Variants in TSPAN13 observed in about 807,000 individuals in gnomAD.
The protein encoded by TSPAN13 is tetraspanin 13, also known as tetraspanin-13.
In TSPAN13, 18 loss-of-function variants were observed where a neutral mutation model predicts 26.9. The observed-to-expected ratio is 0.67, with a 90% CI of 0.46 to 0.99. TSPAN13 has a LOEUF of 0.99. Among genes scored for constraint, TSPAN13 ranks in the 50% least tolerant of loss-of-function variants. The probability of loss-of-function intolerance (pLI) is 0.00; values close to 1 mark genes in which losing one functional copy is unlikely to be tolerated. For synonymous variants in TSPAN13, 116 were observed against 98.4 expected, an observed-to-expected ratio of 1.18 and a Z score of -1.06; for missense variants, 201 against 249.6, an observed-to-expected ratio of 0.81 and a Z score of 1.31.
intron 1 of TSPAN13, among the ~76,000 whole-genome samples, chr7:16,758,349 C>T (rs1428663739): frequency 6.6e-6 from 1 of 152,120 alleles, no homozygotes; most frequent in Non-Finnish European, 1.5e-5. Context: ...AAACAGCTTA[C>T]TTTGAGTTTC....
intron 1 of TSPAN13, among the ~76,000 whole-genome samples, chr7:16,772,721 C>T (rs772098126): frequency 3.3e-5 from 5 of 152,242 alleles, no homozygotes; most frequent in African/African-American, 4.8e-5. Context: ...CTTGGCCGGG[C>T]GCGGTGGCTC....
chr7:16,764,017 CTTTATT>C (rs1490221525), intron 1 of TSPAN13, among the ~76,000 whole-genome samples: 4 of 151,952 alleles, frequency 2.6e-5, no homozygotes, highest in South Asian at 2.1e-4. Context: ...TTTCTTTGTT[CTTTATT>C]TTTATTTTTA....
intron 1 of TSPAN13, among the ~76,000 whole-genome samples, chr7:16,757,475 CA>C (rs1157630993): frequency 6.6e-6 from 1 of 151,314 alleles, no homozygotes; most frequent in African/African-American, 2.4e-5. Context: ...GCTTCTTAAC[CA>C]GAGAAGAAAG....
chr7:16,783,246 A>G (rs958126188), intron 5 of TSPAN13, among the ~76,000 whole-genome samples, 171 bp from the exon 6 acceptor site: 1 of 152,052 alleles, frequency 6.6e-6, no homozygotes, highest in Non-Finnish European at 1.5e-5. Flanking sequence ...ATTTTTTCTC[A>G]GCGCCCGTCA....
At chr7:16,773,079 G>C (rs559441234) in intron 1 of TSPAN13, among the ~76,000 whole-genome samples, 17 of 151,750 alleles carry the variant, frequency 1.1e-4, no homozygotes, top group African/African-American at 3.6e-4. Flanking sequence ...AGAGGGGTCA[G>C]CTGGGCTATT....
intron 1 of TSPAN13, among the ~76,000 whole-genome samples, chr7:16,762,182 A>C (rs1359245535): frequency 1.3e-5 from 2 of 152,230 alleles, no homozygotes; most frequent in Admixed American, 1.3e-4. Context: ...AGAGAATAAT[A>C]TGGAACATCA....
At chr7:16,759,483 T>C (rs575480617) in intron 1 of TSPAN13, among the ~76,000 whole-genome samples, 15 of 152,140 alleles carry the variant, frequency 9.9e-5, no homozygotes, top group African/African-American at 3.1e-4. Context: ...TCATGGGGGA[T>C]CCACCCCTAC....
chr7:16,777,140 T>C lies in TSPAN13; in HGVS notation c.312+18T>C, dbSNP rs1163948597. The C allele has an allele frequency of 4.4e-6, 7 of 1,577,758 alleles. No individual in the cohort carries two copies. The highest frequency in any genetic ancestry group is 6.1e-6 in the Non-Finnish European group (7 of 1,147,764). ...AGCAACAGGTAAGCTAAGACTTTTTTCTTCTACTTTATTATACCACATAGC... is the reference window on the plus strand; with the variant it reads ...AGCAACAGGTAAGCTAAGACTTTTTCCTTCTACTTTATTATACCACATAGC... On this transcript the variant is annotated intron_variant, in intron 3 of 5. Coordinates refer to ENST00000262067, the MANE Select transcript of TSPAN13 (RefSeq NM_014399.4).
rs17136560 is a variant in TSPAN13, at chr7:16,777,318, C to A, written c.312+196C>A. 0.02 allele frequency among the ~76,000 whole-genome samples: 3,005 copies of A among 152,098 alleles called. 30 individuals are homozygous for A. The highest frequency in any genetic ancestry group is 0.038 in the South Asian group (184 of 4,802). On this transcript the variant is annotated intron_variant, in intron 3 of 5. Coordinates refer to ENST00000262067, the MANE Select transcript of TSPAN13 (RefSeq NM_014399.4). Reference sequence around the variant, plus strand: ...GGACACCATCAGGTGTTGCCATTTTCGGTATCTTTTAAATCGGATTTTGCT... The same window carrying A: ...GGACACCATCAGGTGTTGCCATTTTAGGTATCTTTTAAATCGGATTTTGCT...
intron 5 of TSPAN13, among the ~76,000 whole-genome samples, chr7:16,782,666 AT>A (rs1249473315): frequency 6.6e-6 from 1 of 152,190 alleles, no homozygotes; most frequent in Non-Finnish European, 1.5e-5. Flanking sequence ...GAATTATAAC[AT>A]TTTAAATTTC....
At chr7:16,765,103 ATTTC>A (rs1260243052) in intron 1 of TSPAN13, among the ~76,000 whole-genome samples, 3 of 151,284 alleles carry the variant, frequency 2.0e-5, no homozygotes, top group Non-Finnish European at 4.4e-5. Context: ...CTGGCTAAGA[ATTTC>A]TTTCTTTCTT....
chr7:16,755,744 TC>T (rs1229712756), intron 1 of TSPAN13, among the ~76,000 whole-genome samples: 4 of 152,132 alleles, frequency 2.6e-5, no homozygotes, highest in African/African-American at 9.7e-5. Context: ...CAATGTATAA[TC>T]TTTTTTAAAA....
chr7:16,764,312 C>T (rs1361812108), intron 1 of TSPAN13, among the ~76,000 whole-genome samples: 1 of 152,056 alleles, frequency 6.6e-6, no homozygotes, highest in Non-Finnish European at 1.5e-5. Context: ...AAGGTGTGAG[C>T]CACCGCGCCT....
intron 1 of TSPAN13, among the ~76,000 whole-genome samples, chr7:16,763,232 T>C (rs57424211): frequency 0.015 from 2,270 of 152,330 alleles, 51 homozygotes; most frequent in African/African-American, 0.052. Flanking sequence ...CTCATGTTTT[T>C]AAAAGTTTAT....
At chr7:16,754,555 T>G (rs540383730) in intron 1 of TSPAN13, among the ~76,000 whole-genome samples, 1 of 152,366 alleles carries the variant, frequency 6.6e-6, no homozygotes, top group East Asian at 1.9e-4. Context: ...GTTCACAGGA[T>G]GTCCGCTGCT....
intron 1 of TSPAN13, among the ~76,000 whole-genome samples, chr7:16,766,819 G>T (rs980732488): frequency 2.6e-5 from 4 of 152,168 alleles, no homozygotes; most frequent in African/African-American, 9.7e-5. Flanking sequence ...TAAGAAGGGG[G>T]TGTTACATTT....
At position 16,767,541 on chromosome 7, in the gene TSPAN13, T is replaced by C. The variant is rs1208082861; in HGVS notation, c.64-8670T>C. Among the ~76,000 whole-genome samples, 6 of 152,350 alleles carry C rather than the reference T, an allele frequency of 3.9e-5. No homozygotes were observed. The East Asian group carries it at 1.2e-3, about 29-fold the overall frequency. ...CCTGGTATATATCTAGTTGGGTACA[T>C]AGGTGTTCTCTTGGGGATTAACCTA... is the stretch of plus-strand genomic sequence containing the variant. On this transcript the variant is annotated intron_variant, in intron 1 of 5. Transcript: ENST00000262067.
intron 1 of TSPAN13, among the ~76,000 whole-genome samples, chr7:16,761,651 C>G (rs1784541976): frequency 6.6e-6 from 1 of 150,694 alleles, no homozygotes; most frequent in Non-Finnish European, 1.5e-5. Flanking sequence ...TTCTGAGTAG[C>G]TAGAACTACA....
intron 1 of TSPAN13, among the ~76,000 whole-genome samples, chr7:16,762,071 T>A (rs1415751813): frequency 3.3e-5 from 5 of 151,292 alleles, no homozygotes; most frequent in African/African-American, 9.7e-5. Flanking sequence ...ATTTTGGTAC[T>A]AAAAAAAAAG....
Sources: allele counts gnomAD v4.1 joint callset (sites outside exome capture counted in the v4.1 genomes callset), GRCh38; gene constraint gnomAD v4.1.1; transcripts MANE v1.5; gene names NCBI Gene and HGNC (gene_info 2026-07-23, HGNC 2026-07-21).